Variants in EXOC4 observed in about 807,000 individuals in gnomAD.
EXOC4 encodes the protein SEC8-like 1.
A neutral mutation model predicts 107.2 loss-of-function variants in EXOC4; 71 were observed. That is an observed-to-expected ratio of 0.66 (90% confidence interval 0.55 to 0.81). The LOEUF is 0.81. Ranked by LOEUF, EXOC4 falls within the 30% of genes least tolerant of loss-of-function variation. EXOC4 has a pLI of 0.00. For missense variants in EXOC4, 1,108 were observed against 1,189.6 expected, an observed-to-expected ratio of 0.93 and a Z score of 1.01; for synonymous variants, 456 against 441.2, an observed-to-expected ratio of 1.03 and a Z score of -0.42.
At chr7:133,989,365 C>G (rs575530805) in intron 14 of EXOC4, among the ~76,000 whole-genome samples, 137 of 152,190 alleles carry the variant, frequency 9.0e-4, no homozygotes, top group African/African-American at 3.2e-3. Flanking sequence ...GGTTTAGGAG[C>G]CATCATTTCA....
intron 10 of EXOC4, among the ~76,000 whole-genome samples, chr7:133,693,240 A>G (rs1794458754): frequency 6.6e-6 from 1 of 152,168 alleles, no homozygotes; most frequent in Non-Finnish European, 1.5e-5. Flanking sequence ...CTGGCAAACC[A>G]CTGGTGTGAG....
intron 1 of EXOC4, among the ~76,000 whole-genome samples, chr7:133,257,183 CA>C (rs1795037599): frequency 6.6e-6 from 1 of 152,028 alleles, no homozygotes; most frequent in African/African-American, 2.4e-5. Context: ...AGGCTACTGC[CA>C]ACTGCAGCTT....
intron 10 of EXOC4, among the ~76,000 whole-genome samples, chr7:133,637,847 G>A (rs544609950): frequency 1.3e-5 from 2 of 152,218 alleles, no homozygotes; most frequent in East Asian, 1.9e-4. Flanking sequence ...TTTTCAAAAT[G>A]TATGACATAT....
At chr7:133,576,384 A>C in intron 9 of EXOC4, 1 of 949,696 alleles carries the variant, frequency 1.1e-6, no homozygotes, top group Non-Finnish European at 1.4e-6. Flanking sequence ...TGTTTCTTTC[A>C]TTTTAATCTG....
chr7:133,695,608 A>G (rs748735214), intron 10 of EXOC4, among the ~76,000 whole-genome samples: 8 of 152,154 alleles, frequency 5.3e-5, no homozygotes, highest in Non-Finnish European at 1.2e-4. Flanking sequence ...GAGACTTCAT[A>G]TTATTTAATA....
At chr7:133,497,248 G>A (rs1251588492) in intron 9 of EXOC4, among the ~76,000 whole-genome samples, 2 of 152,128 alleles carry the variant, frequency 1.3e-5, no homozygotes, top group Non-Finnish European at 2.9e-5. Context: ...CTGACCCACA[G>A]AAATTGTGAG....
chr7:133,735,246 A>AAAG (rs1795418748), intron 10 of EXOC4, among the ~76,000 whole-genome samples: 2 of 149,790 alleles, frequency 1.3e-5, no homozygotes, highest in Non-Finnish European at 3.0e-5. Flanking sequence ...AAAAAAAAAA[A>AAAG]AAAAAAGTTA....
At chr7:133,692,786 CA>C (rs1237173386) in intron 10 of EXOC4, among the ~76,000 whole-genome samples, 1 of 152,138 alleles carries the variant, frequency 6.6e-6, no homozygotes, top group African/African-American at 2.4e-5. Flanking sequence ...GAGAGTTTTC[CA>C]ACAGCACCTT....
chr7:133,559,177 C>A (rs1800760759), intron 9 of EXOC4, among the ~76,000 whole-genome samples: 1 of 151,986 alleles, frequency 6.6e-6, no homozygotes, highest in African/African-American at 2.4e-5. Context: ...TATGGGTATC[C>A]TTTCCAAGTG....
At chr7:133,758,326 A>C (rs962433581) in intron 10 of EXOC4, among the ~76,000 whole-genome samples, 1 of 152,034 alleles carries the variant, frequency 6.6e-6, no homozygotes, top group Admixed American at 6.6e-5. Context: ...TTTAATAGAG[A>C]TGGGGTTTCA....
chr7:133,828,057 G>T (rs1797739875), intron 11 of EXOC4, among the ~76,000 whole-genome samples: 1 of 152,114 alleles, frequency 6.6e-6, no homozygotes, highest in African/African-American at 2.4e-5. Context: ...AGCATTTTGA[G>T]GTTTTGATTG....
At chr7:133,360,954 T>C (rs1796122606) in intron 6 of EXOC4, among the ~76,000 whole-genome samples, 2 of 152,308 alleles carry the variant, frequency 1.3e-5, no homozygotes, top group South Asian at 4.1e-4. Context: ...ATATATTTGG[T>C]TATTTATTGG....
At chr7:134,007,574 GTA>G in intron 16 of EXOC4, 100 bp from the exon 17 acceptor site, 1 of 1,104,076 alleles carries the variant, frequency 9.1e-7, no homozygotes, top group Non-Finnish European at 1.2e-6. Context: ...TCGTTTAAAT[GTA>G]TAGAGGATTA....
intron 11 of EXOC4, among the ~76,000 whole-genome samples, chr7:133,869,235 T>A (rs1174017157): frequency 1.3e-5 from 2 of 151,934 alleles, no homozygotes; most frequent in Non-Finnish European, 2.9e-5. Flanking sequence ...TCAACCAGAT[T>A]GCATTTGCTC....
At chr7:133,706,917 A>G (rs539898237) in intron 10 of EXOC4, among the ~76,000 whole-genome samples, 7 of 152,266 alleles carry the variant, frequency 4.6e-5, no homozygotes, top group Non-Finnish European at 8.8e-5. Flanking sequence ...CCACATCCTA[A>G]TACTGTCACA....
intron 11 of EXOC4, among the ~76,000 whole-genome samples, chr7:133,818,055 C>T (rs992671163): frequency 1.3e-5 from 2 of 151,968 alleles, no homozygotes; most frequent in African/African-American, 4.8e-5. Flanking sequence ...CTTGTTAGTA[C>T]TGAAAATTTT....
chr7:133,296,910 G>A (rs1356858792), intron 3 of EXOC4, among the ~76,000 whole-genome samples: 1 of 152,050 alleles, frequency 6.6e-6, no homozygotes, highest in Non-Finnish European at 1.5e-5. Flanking sequence ...AGTCTCTAGG[G>A]GTGGGCCACT....
intron 11 of EXOC4, among the ~76,000 whole-genome samples, chr7:133,826,777 A>G (rs987008828): frequency 6.6e-6 from 1 of 152,226 alleles, no homozygotes; most frequent in African/African-American, 2.4e-5. Context: ...GACAACCAGT[A>G]TAAGAACCTG....
At chr7:133,549,408 G>A (rs1351225646) in intron 9 of EXOC4, among the ~76,000 whole-genome samples, 2 of 152,156 alleles carry the variant, frequency 1.3e-5, no homozygotes, top group African/African-American at 4.8e-5. Context: ...GAATTGGGAA[G>A]CCGGAGGAGA....
Sources: allele counts gnomAD v4.1 joint callset (sites outside exome capture counted in the v4.1 genomes callset), GRCh38; gene constraint gnomAD v4.1.1; transcripts MANE v1.5; gene names NCBI Gene and HGNC (gene_info 2026-07-23, HGNC 2026-07-21).